EPB41: variants seen among roughly 807,000 people sequenced by gnomAD.
The protein encoded by EPB41 is erythrocyte membrane protein band 4.1, also known as protein 4.1.
A neutral mutation model predicts 108.0 loss-of-function variants in EPB41; 65 were observed. The observed-to-expected ratio is 0.60, with a 90% CI of 0.49 to 0.74. The LOEUF is 0.74. Ranked by LOEUF, EPB41 falls within the 30% of genes least tolerant of loss-of-function variation. The pLI is 0.00. For synonymous variants in EPB41, 336 were observed against 358.9 expected, an observed-to-expected ratio of 0.94 and a Z score of 0.72; for missense variants, 875 against 1,037.0, an observed-to-expected ratio of 0.84 and a Z score of 2.15.
intron 1 of EPB41, among the ~76,000 whole-genome samples, chr1:28,929,320 G>T (rs1557701198): frequency 6.6e-6 from 1 of 151,642 alleles, no homozygotes; most frequent in African/African-American, 2.4e-5. Flanking sequence ...CTGCCTCCCG[G>T]GTTCACGCCA....
chr1:28,981,356 A>G lies in EPB41; in HGVS notation c.-7-6075A>G, dbSNP rs144588906. ...TGTCGAATCATAGAAGAATTTCAAA[A>G]AGAGCAGCACCATGTATAAAATGAA... On this transcript the variant is annotated intron_variant, in intron 1 of 20. Coordinates refer to ENST00000343067, the MANE Select transcript of EPB41 (RefSeq NM_001376013.1). Among the ~76,000 whole-genome samples the G allele has an allele frequency of 3.8e-3, 571 of 152,176 alleles. 6 individuals are homozygous for G. The highest frequency in any genetic ancestry group is 0.013 in the African/African-American group (532 of 41,580).
chr1:29,086,996 G>A (rs1019060985), intron 16 of EPB41, among the ~76,000 whole-genome samples: 3 of 148,870 alleles, frequency 2.0e-5, no homozygotes, highest in Admixed American at 6.7e-5. Context: ...CCAGGCTGGG[G>A]TGCAGTGGCA....
chr1:28,927,379 T>A lies in EPB41; in HGVS notation c.-8+12611T>A, dbSNP rs543530464. On this transcript the variant is annotated intron_variant, in intron 1 of 20. Coordinates refer to ENST00000343067, the MANE Select transcript of EPB41 (RefSeq NM_001376013.1). The stretch of plus-strand genomic sequence containing the variant: ...GGTTCTTTTTACCTGTGAAAAAAAA[T>A]TTTCAGTAAGGAAGCATGGAGTTTT... Among the ~76,000 whole-genome samples, 5 of 152,214 alleles carry A rather than the reference T, an allele frequency of 3.3e-5. No homozygotes were observed. The South Asian group carries it at 6.2e-4, about 19-fold the overall frequency.
In EPB41 at chr1:29,093,044, T is replaced by TTTA. The variant is rs554954573; in HGVS notation, c.2185-4761_2185-4759dup. On this transcript the variant is annotated intron_variant, in intron 16 of 20. Coordinates refer to ENST00000343067, the MANE Select transcript of EPB41 (RefSeq NM_001376013.1). Reference sequence around the variant, plus strand: ...TGCATGTGTCTTAATGGTAGAACGATTTATATTCCTTTGGGTATATACCCG... The same window carrying TTTA: ...TGCATGTGTCTTAATGGTAGAACGATTTATTATATTCCTTTGGGTATATACCCG... 2.7e-3 allele frequency among the ~76,000 whole-genome samples: 408 copies of TTTA among 152,322 alleles called. 1 individual carries two copies. The highest frequency in any genetic ancestry group is 0.017 in the Middle Eastern group (5 of 294).
At chr1:28,951,909 A>C (rs2094741012) in intron 1 of EPB41, among the ~76,000 whole-genome samples, 1 of 152,120 alleles carries the variant, frequency 6.6e-6, no homozygotes, top group African/African-American at 2.4e-5. Flanking sequence ...AAATCAGGAG[A>C]TCACTATACT....
rs1244653785 is a variant in EPB41 at position 28,987,621 on chromosome 1, A to G, written c.184A>G (p.Thr62Ala). 2.5e-6 allele frequency: 4 copies of G among 1,614,236 alleles called. No homozygotes were observed. The South Asian group carries it at 3.3e-5, about 13-fold the overall frequency. ...KLKASNGDTP[T>A]HEDLTKNKER... ...GAAAGCTTCTAATGGAGACACTCCT[A>G]CACATGAAGACTTGACCAAGAACAA... The change falls in exon 2 of 21, where the codon ACA (threonine) becomes GCA (alanine). Residue 62 changes from threonine to alanine, a missense_variant. Thr to Ala is a moderately conservative substitution (Grantham distance 58, BLOSUM62 0). Around this residue, in one of 3 missense-constraint regions of EPB41, gnomAD observed 353 missense variants for 393.2 expected, o/e 0.90. Transcript: ENST00000343067.
At chr1:29,050,910 C>T (rs543659858) in intron 11 of EPB41, among the ~76,000 whole-genome samples, 15 of 151,926 alleles carry the variant, frequency 9.9e-5, no homozygotes, top group African/African-American at 3.1e-4. Context: ...CTCCTGACCT[C>T]GTGATCCACC....
chr1:28,986,872 G>A lies in EPB41; in HGVS notation c.-7-559G>A, dbSNP rs752166631. On this transcript the variant is annotated intron_variant, in intron 1 of 20. Coordinates refer to ENST00000343067, the MANE Select transcript of EPB41 (RefSeq NM_001376013.1). ...GCAGTATTTCAACTGTATATTTGTC[G>A]TTGCTGTTATCCAGTCTTACAACAA... Among the ~76,000 whole-genome samples the A allele has an allele frequency of 2.3e-4, 35 of 152,088 alleles. 1 individual carries two copies. Among genetic ancestry groups the A allele is most frequent in the Admixed American group, 3.3e-4 (5 of 15,276 alleles).
intron 12 of EPB41, chr1:29,053,780 T>C (rs2762684): frequency 0.33 from 53,275 of 161,416 alleles, 11,024 homozygotes; most frequent in African/African-American, 0.59. Flanking sequence ...AGGATGGTCT[T>C]GATCTCCTGA....
At chr1:28,989,631 T>TG (rs1553219281) in intron 2 of EPB41, among the ~76,000 whole-genome samples, 3 of 152,194 alleles carry the variant, frequency 2.0e-5, no homozygotes, top group Non-Finnish European at 4.4e-5. Flanking sequence ...ATTGCACACT[T>TG]GCTGTTAGTG....
chr1:29,114,961 CTTCTT>C (rs1670416221), intron 19 of EPB41, among the ~76,000 whole-genome samples: 2 of 152,142 alleles, frequency 1.3e-5, no homozygotes, highest in Admixed American at 6.5e-5. Context: ...TTCTTGCACA[CTTCTT>C]TACTTTCCTC....
chr1:28,971,261 G>GCAA (rs2149305863), intron 1 of EPB41, among the ~76,000 whole-genome samples: 1 of 127,362 alleles, frequency 7.9e-6, no homozygotes, highest in East Asian at 2.5e-4. Flanking sequence ...TTGGCTCACT[G>GCAA]CAACCTCTGC....
At chr1:28,935,903 G>A (rs866956075) in intron 1 of EPB41, among the ~76,000 whole-genome samples, 7 of 146,272 alleles carry the variant, frequency 4.8e-5, no homozygotes, top group Non-Finnish European at 1.5e-5. Context: ...TGGTGACAGA[G>A]CGAGACTCTG....
chr1:28,995,457 G>GAA (rs2096146734), intron 3 of EPB41, among the ~76,000 whole-genome samples: 2 of 152,200 alleles, frequency 1.3e-5, no homozygotes, highest in Non-Finnish European at 2.9e-5. Context: ...AGCTGCTTGG[G>GAA]AGGCTGAGGC....
At chr1:28,921,120 A>G (rs1487112138) in intron 1 of EPB41, among the ~76,000 whole-genome samples, 1 of 152,194 alleles carries the variant, frequency 6.6e-6, no homozygotes, top group Non-Finnish European at 1.5e-5. Flanking sequence ...CATACGTGTA[A>G]TAGAAATGTA....
chr1:28,935,528 C>G (rs1224840389), intron 1 of EPB41, among the ~76,000 whole-genome samples: 1 of 147,404 alleles, frequency 6.8e-6, no homozygotes, highest in Admixed American at 7.0e-5. Context: ...ATCTTCTTCC[C>G]TCTAGTCTTT....
intron 1 of EPB41, chr1:28,985,641 G>A (rs1205451648): frequency 2.0e-5 from 3 of 152,110 alleles, no homozygotes; most frequent in Non-Finnish European, 4.4e-5. Context: ...GGCCTGAAGA[G>A]GGAATGAGCT....
chr1:29,048,101 T>A (rs1471351006), intron 11 of EPB41, among the ~76,000 whole-genome samples: 1 of 152,026 alleles, frequency 6.6e-6, no homozygotes, highest in Non-Finnish European at 1.5e-5. Flanking sequence ...AATTTATAAT[T>A]GTATATATTT....
intron 16 of EPB41, chr1:29,069,429 C>T: frequency 8.2e-7 from 1 of 1,225,468 alleles, no homozygotes; most frequent in Non-Finnish European, 1.0e-6. Flanking sequence ...ATGTATAAAC[C>T]TTCATGATGG....
Sources: gnomAD v4.1 joint callset for allele counts (sites outside exome capture counted in the v4.1 genomes callset) on GRCh38, gnomAD v4.1.1 for gene constraint, gnomAD v4.1.1 regional missense constraint, MANE v1.5 for transcripts, NCBI Gene and HGNC (gene_info 2026-07-23, HGNC 2026-07-21) for gene names.